Variants in LINGO2 observed in about 807,000 individuals in gnomAD.
LINGO2 encodes leucine-rich repeat and immunoglobulin-like domain-containing nogo receptor-interacting protein 2.
Under a neutral mutation model 30.6 loss-of-function variants are expected in LINGO2, and 14 were observed. The observed-to-expected ratio is 0.46, with a 90% CI of 0.30 to 0.72. LINGO2 has a LOEUF of 0.72. Among genes scored for constraint, LINGO2 ranks in the 30% least tolerant of loss-of-function variants. The pLI is 0.07. For missense variants in LINGO2, 729 were observed against 751.7 expected, an observed-to-expected ratio of 0.97 and a Z score of 0.35; for synonymous variants, 317 against 288.5, an observed-to-expected ratio of 1.10 and a Z score of -1.00.
chr9:28,566,002 T>G (rs1823360897), intron 1 of LINGO2, among the ~76,000 whole-genome samples: 1 of 152,118 alleles, frequency 6.6e-6, no homozygotes, highest in African/African-American at 2.4e-5. Flanking sequence ...AATCCACCAT[T>G]TTGTGAAACT....
At chr9:28,988,534 C>T in the LINGO2 span, among the ~76,000 whole-genome samples, 1 of 152,114 alleles carries the variant, frequency 6.6e-6, no homozygotes, top group Non-Finnish European at 1.5e-5. Context: ...ACACTCACAG[C>T]AATTACTGAT....
At chr9:28,605,123 T>C (rs566175034) in intron 1 of LINGO2, among the ~76,000 whole-genome samples, 7 of 152,218 alleles carry the variant, frequency 4.6e-5, no homozygotes, top group African/African-American at 1.4e-4. Context: ...CTAGTTTAAA[T>C]TTAGAAAAAC....
chr9:29,177,973 T>C, the LINGO2 span, among the ~76,000 whole-genome samples: 1 of 152,116 alleles, frequency 6.6e-6, no homozygotes, highest in East Asian at 1.9e-4. Flanking sequence ...TCTCACCTTC[T>C]CTTCCACTTT....
At chr9:28,627,005 T>A (rs1460763635) in intron 1 of LINGO2, among the ~76,000 whole-genome samples, 1 of 152,106 alleles carries the variant, frequency 6.6e-6, no homozygotes, top group Non-Finnish European at 1.5e-5. Flanking sequence ...CACATTTTCC[T>A]GCTTTTTTTA....
At chr9:29,192,286 C>A in the LINGO2 span, among the ~76,000 whole-genome samples, 1 of 152,182 alleles carries the variant, frequency 6.6e-6, no homozygotes, top group Non-Finnish European at 1.5e-5. Context: ...AAGCTCCTAA[C>A]AACTTGCTAA....
the LINGO2 span, among the ~76,000 whole-genome samples, chr9:29,135,825 C>A: frequency 6.6e-6 from 1 of 152,102 alleles, no homozygotes; most frequent in Non-Finnish European, 1.5e-5. Context: ...CTTTCTGTTT[C>A]TGTTAATTTG....
At chr9:28,450,148 G>A (rs1349591533) in intron 2 of LINGO2, among the ~76,000 whole-genome samples, 5 of 151,916 alleles carry the variant, frequency 3.3e-5, no homozygotes, top group African/African-American at 4.8e-5. Context: ...TGTTCTTTGG[G>A]CTGTCAACTA....
chr9:29,212,576 T>A, the LINGO2 span, among the ~76,000 whole-genome samples: 2 of 151,334 alleles, frequency 1.3e-5, no homozygotes, highest in Non-Finnish European at 2.9e-5. Context: ...CAATTGGGGG[T>A]GGGTCTGCGG....
At chr9:28,357,012 T>A (rs1820234089) in intron 3 of LINGO2, among the ~76,000 whole-genome samples, 1 of 152,088 alleles carries the variant, frequency 6.6e-6, no homozygotes. Context: ...ATATCTAGGC[T>A]CCTATGCAAT....
the LINGO2 span, among the ~76,000 whole-genome samples, chr9:29,052,846 C>T: frequency 6.6e-6 from 1 of 152,152 alleles, no homozygotes; most frequent in Non-Finnish European, 1.5e-5. Context: ...TGGTCAATTA[C>T]ACAGTCACAG....
the LINGO2 span, among the ~76,000 whole-genome samples, chr9:28,954,474 G>GT: frequency 3.6e-3 from 544 of 149,430 alleles, 1 homozygote; most frequent in Non-Finnish European, 5.6e-3. Context: ...CTGCCATTTT[G>GT]TTTTTTTTTG....
chr9:28,060,145 C>T (rs1349590957), intron 4 of LINGO2, among the ~76,000 whole-genome samples: 3 of 152,114 alleles, frequency 2.0e-5, no homozygotes, highest in Non-Finnish European at 4.4e-5. Flanking sequence ...AAACTCAAAA[C>T]ATGACCACTT....
At chr9:28,855,023 G>A in the LINGO2 span, among the ~76,000 whole-genome samples, 1 of 151,960 alleles carries the variant, frequency 6.6e-6, no homozygotes, top group African/African-American at 2.4e-5. Context: ...AACTATCAAT[G>A]AAGTTGTGAA....
At chr9:28,089,279 A>C (rs1403785783) in intron 4 of LINGO2, among the ~76,000 whole-genome samples, 1 of 152,202 alleles carries the variant, frequency 6.6e-6, no homozygotes, top group African/African-American at 2.4e-5. Context: ...TCAGCACCAC[A>C]TCACACTTAT....
At chr9:28,702,755 T>A in the LINGO2 span, among the ~76,000 whole-genome samples, 1 of 151,898 alleles carries the variant, frequency 6.6e-6, no homozygotes, top group Non-Finnish European at 1.5e-5. Flanking sequence ...CCAGTGAACC[T>A]GCCTTGCCTA....
At chr9:28,835,727 T>C in the LINGO2 span, among the ~76,000 whole-genome samples, 1 of 152,316 alleles carries the variant, frequency 6.6e-6, no homozygotes, top group Middle Eastern at 3.4e-3. Flanking sequence ...TCTTGTCTTT[T>C]CCCTTCTCTC....
chr9:28,915,304 A>G, the LINGO2 span, among the ~76,000 whole-genome samples: 412 of 152,298 alleles, frequency 2.7e-3, 1 homozygote, highest in Non-Finnish European at 5.0e-3. Flanking sequence ...CAAGAAAGGC[A>G]CGGGTTCTCA....
intron 2 of LINGO2, among the ~76,000 whole-genome samples, chr9:28,395,701 A>T (rs958711475): frequency 1.3e-5 from 2 of 152,196 alleles, no homozygotes; most frequent in African/African-American, 4.8e-5. Context: ...ACATAGTATA[A>T]AGTTGAATGA....
At chr9:28,516,239 G>A (rs72713573) in intron 1 of LINGO2, among the ~76,000 whole-genome samples, 3,133 of 152,174 alleles carry the variant, frequency 0.021, 49 homozygotes, top group Non-Finnish European at 0.033. Context: ...CTATCTCTGA[G>A]GTACGCCTGT....
Sources: allele counts gnomAD v4.1 joint callset (sites outside exome capture counted in the v4.1 genomes callset), GRCh38; gene constraint gnomAD v4.1.1; transcripts MANE v1.5; gene names NCBI Gene and HGNC (gene_info 2026-07-23, HGNC 2026-07-21).